The following TAS1R1 variants were observed in gnomAD, a reference collection of about 807,000 sequenced individuals.
TAS1R1 encodes the protein taste receptor type 1 member 1.
Under a neutral mutation model 45.8 loss-of-function variants are expected in TAS1R1, and 31 were observed. That is an observed-to-expected ratio of 0.68 (90% CI 0.51 to 0.91). The LOEUF is 0.91. TAS1R1 is among the 40% of genes least tolerant of loss of function. TAS1R1 has a pLI of 0.00. For missense variants in TAS1R1, 1,051 were observed against 1,063.9 expected (o/e 0.99, Z 0.17); for synonymous variants, 437 against 448.4 (o/e 0.97, Z 0.32).
intron 1 of TAS1R1, among the ~76,000 whole-genome samples, chr1:6,560,986 CAAAAAA>C (rs35928406): frequency 1.1e-5 from 1 of 92,980 alleles, no homozygotes. Flanking sequence ...GACTCTGTCT[CAAAAAA>C]AAAAAAAAAA....
chr1:6,579,035 C>T lies in TAS1R1; in HGVS notation c.1977C>T (p.Ile659=), dbSNP rs768218529. 1.1e-5 allele frequency: 17 copies of T among 1,613,038 alleles called. No individual in the cohort carries two copies. In the South Asian group the frequency reaches 1.9e-4, roughly 18 times the overall value. The part of the protein sequence containing the change: ...LTVRSFQLII[I]FKFSTKVPTF... ...TTCGCTCATTCCAACTAATCATCAT[C>T]TTCAAGTTTTCCACCAAGGTACCTA... Residue 659 remains isoleucine, a synonymous_variant, in exon 6 of 6, where the codon ATC becomes ATT. Coordinates refer to ENST00000333172, the MANE Select transcript of TAS1R1 (RefSeq NM_138697.4).
In TAS1R1 at chr1:6,576,956, A is replaced by G; in HGVS notation, c.1480A>G (p.Lys494Glu). The change falls in exon 5 of 6, where the codon AAG becomes GAG. Residue 494 changes from lysine to glutamate, a missense_variant. Lys to Glu is a moderately conservative substitution (Grantham distance 56). Coordinates refer to ENST00000333172, the MANE Select transcript of TAS1R1 (RefSeq NM_138697.4). ...QWHGKDNQVP[K>E]SVCSSDCLEG... ...CCCCTCTGGCTTCTTACAGGTGCCT[A>G]AGTCTGTGTGTTCCAGCGACTGTCT... 1.2e-6 allele frequency: 2 copies of G among 1,614,214 alleles called. No individual in the cohort carries two copies. The highest frequency in any genetic ancestry group is 8.5e-7 in the Non-Finnish European group (1 of 1,180,030).
Position 6,555,473 on chromosome 1 carries a change from C to G in TAS1R1, c.100C>G (p.Leu34Val), listed in dbSNP as rs867755137. The G allele has an allele frequency of 6.3e-7, 1 of 1,597,330 alleles. No homozygotes were observed. The highest frequency in any genetic ancestry group is 8.5e-7 in the Non-Finnish European group (1 of 1,171,886). The change falls in exon 1 of 6, where the codon CTC (leucine) becomes GTC (valine). Residue 34 changes from leucine to valine, a missense_variant. Coordinates refer to ENST00000333172, the MANE Select transcript of TAS1R1 (RefSeq NM_138697.4). ...CACGGAGTCTTCTCCTGACTTCACCCTCCCCGGAGATTACCTCCTGGCAGG... is the reference window on the plus strand; with the variant it reads ...CACGGAGTCTTCTCCTGACTTCACCGTCCCCGGAGATTACCTCCTGGCAGG... The part of the protein sequence containing the change: ...HSTESSPDFT[L>V]PGDYLLAGLF...
chr1:6,576,868 C>A (rs1210691063), intron 4 of TAS1R1, 82 bp from the exon 5 acceptor site: 12 of 1,601,506 alleles, frequency 7.5e-6, no homozygotes, highest in Non-Finnish European at 1.0e-5. Flanking sequence ...AGGGCAGATG[C>A]ACAGAGATTC....
intron 1 of TAS1R1, among the ~76,000 whole-genome samples, chr1:6,568,484 A>AGTTCCTTCTTGGGAGGCAGTGTCGAT (rs1639924290): frequency 2.0e-5 from 3 of 149,338 alleles, no homozygotes; most frequent in Non-Finnish European, 4.4e-5. Context: ...AAAGAACAAT[A>AGTTCCTTCTTGGGAGGCAGTGTCGAT]GTTCCTTCTT....
intron 1 of TAS1R1, among the ~76,000 whole-genome samples, chr1:6,567,047 G>C (rs886882970): frequency 6.6e-6 from 1 of 152,156 alleles, no homozygotes; most frequent in African/African-American, 2.4e-5. Flanking sequence ...ACTCAGGTTG[G>C]GGGAGGCAAG....
chr1:6,569,429 G>A (rs75071639), intron 1 of TAS1R1, among the ~76,000 whole-genome samples: 1,570 of 152,262 alleles, frequency 0.01, 15 homozygotes, highest in Non-Finnish European at 0.014. Flanking sequence ...CATTGAAATC[G>A]AAAGTGCCAT....
chr1:6,576,310 C>A, intron 3 of TAS1R1, 105 bp from the exon 4 acceptor site: 1 of 1,097,576 alleles, frequency 9.1e-7, no homozygotes, highest in Non-Finnish European at 1.4e-6. Context: ...TCCTGATGGG[C>A]TGAAACCACC....
intron 1 of TAS1R1, among the ~76,000 whole-genome samples, chr1:6,566,681 CA>C (rs892460375): frequency 1.1e-3 from 170 of 152,264 alleles, no homozygotes; most frequent in African/African-American, 3.7e-3. Flanking sequence ...CTGCAAGCTC[CA>C]CCTCCCAGGT....
At position 6,555,562 on chromosome 1, in the gene TAS1R1, C is replaced by T. The variant is rs1349411648; in HGVS notation, c.189C>T (p.Asp63=). The stretch of plus-strand genomic sequence containing the variant: ...ACAGACCCGAGGTGACCCTGTGTGA[C>T]AGGTGAGTGAGGGGCCAGCAGAGCC... ...VRHRPEVTLC[D]RSCSFNEHGY... The change falls in exon 1 of 6, where the codon GAC becomes GAT. Residue 63 remains aspartate (D), a splice_region_variant and synonymous_variant. Coordinates refer to ENST00000333172, the MANE Select transcript of TAS1R1 (RefSeq NM_138697.4). 1 of 1,545,944 alleles carries T rather than the reference C, an allele frequency of 6.5e-7. No individual in the cohort carries two copies.
chr1:6,575,250 A>G lies in TAS1R1; in HGVS notation c.1118A>G (p.His373Arg). The G allele has an allele frequency of 6.2e-7, 1 of 1,613,504 alleles. No homozygotes were observed. The highest frequency in any genetic ancestry group is 1.3e-5 in the African/African-American group (1 of 75,070). ...AGAGAATGCCAAGCTTTCATGGCAC[A>G]CACGATGCCCAAGCTCAAAGCCTTC... is the stretch of plus-strand genomic sequence containing the variant. ...LCRECQAFMA[H>R]TMPKLKAFSM... is the part of the protein sequence containing the mutation. Residue 373 changes from histidine (H) to arginine (R), a missense_variant, in exon 3 of 6, where the codon CAC becomes CGC. By Grantham distance (29) the His-to-Arg change is conservative. Coordinates refer to ENST00000333172, the MANE Select transcript of TAS1R1 (RefSeq NM_138697.4).
At chr1:6,575,794 T>G (rs540240459) in intron 3 of TAS1R1, among the ~76,000 whole-genome samples, 52 of 150,352 alleles carry the variant, frequency 3.5e-4, no homozygotes, top group Non-Finnish European at 6.2e-4. Flanking sequence ...CCAGGTTCAC[T>G]CCATTCCCCT....
At position 6,574,890 on chromosome 1, in the gene TAS1R1, A is replaced by G. The variant is rs1346531282; in HGVS notation, c.758A>G (p.Asp253Gly). ...ATGCCCTTCTCTGCCCAGGTGGGCG[A>G]TGAGAGGATGCAGTGCCTCATGCGC... is the stretch of plus-strand genomic sequence containing the variant. The part of the protein sequence containing the change: ...DIMPFSAQVG[D>G]ERMQCLMRHL... Residue 253 changes from aspartate (D) to glycine (G), a missense_variant, in exon 3 of 6, where the codon GAT becomes GGT. By Grantham distance (94) the Asp-to-Gly change is moderately conservative (BLOSUM62 -1). Transcript: ENST00000333172. The surrounding 1 kb of genome is among the most constrained non-coding windows in gnomAD (Gnocchi z 4.3). 1.2e-6 allele frequency: 2 copies of G among 1,614,080 alleles called. No individual in the cohort carries two copies. The highest frequency in any genetic ancestry group is 8.5e-7 in the Non-Finnish European group (1 of 1,180,050).
chr1:6,562,450 G>A (rs1329059321), intron 1 of TAS1R1, among the ~76,000 whole-genome samples: 1 of 152,214 alleles, frequency 6.6e-6, no homozygotes, highest in Non-Finnish European at 1.5e-5. Context: ...TTACAGGCAT[G>A]AGCCACCGCG....
At chr1:6,557,220 A>AT (rs781134622) in intron 1 of TAS1R1, among the ~76,000 whole-genome samples, 4 of 151,774 alleles carry the variant, frequency 2.6e-5, no homozygotes, top group Non-Finnish European at 5.9e-5. Flanking sequence ...AAAGAGATAA[A>AT]GAGAATGGGC....
rs751164962 is a variant in TAS1R1 at position 6,574,939 on chromosome 1, C to T, written c.807C>T (p.Thr269=). 6.8e-6 allele frequency: 11 copies of T among 1,611,394 alleles called. No individual in the cohort carries two copies. Among genetic ancestry groups the T allele is most frequent in the African/African-American group, 1.3e-5 (1 of 74,912 alleles). The change falls in exon 3 of 6, where the codon ACC becomes ACT. Residue 269 remains threonine, a synonymous_variant. Transcript: ENST00000333172. This position sits in a 1 kb window ranked among gnomAD's most constrained non-coding sequence, Gnocchi z 4.3. Reference sequence around the variant, plus strand: ...GCCACCTGGCCCAGGCCGGGGCCACCGTCGTGGTTGTTTTTTCCAGCCGGC... The same window carrying T: ...GCCACCTGGCCCAGGCCGGGGCCACTGTCGTGGTTGTTTTTTCCAGCCGGC... ...LMRHLAQAGA[T]VVVVFSSRQL... is the part of the protein sequence containing the mutation.
chr1:6,576,047 C>T (rs1020729844), intron 3 of TAS1R1, among the ~76,000 whole-genome samples: 2 of 151,898 alleles, frequency 1.3e-5, no homozygotes, highest in Non-Finnish European at 2.9e-5. Context: ...CCAGGCTGGT[C>T]TCGAACTCCT....
rs1349457816 is a variant in TAS1R1 at position 6,579,511 on chromosome 1, G to A, written c.2453G>A (p.Arg818His). The change falls in exon 6 of 6, where the codon CGC (arginine) becomes CAC (histidine). Residue 818 changes from arginine to histidine, a missense_variant. Coordinates refer to ENST00000333172, the MANE Select transcript of TAS1R1 (RefSeq NM_138697.4). ...FLPKCYVILC[R>H]PDLNSTEHFQ... The stretch of plus-strand genomic sequence containing the variant: ...CCTAAGTGCTACGTGATCCTCTGCC[G>A]CCCAGACCTCAACAGCACAGAGCAC... The A allele has an allele frequency of 6.2e-7, 1 of 1,613,678 alleles. No individual in the cohort carries two copies. Among genetic ancestry groups the A allele is most frequent in the Non-Finnish European group, 8.5e-7 (1 of 1,180,034 alleles).
intron 1 of TAS1R1, 83 bp downstream of exon 1, chr1:6,555,647 T>C: frequency 7.5e-7 from 1 of 1,329,654 alleles, no homozygotes; most frequent in Admixed American, 2.2e-5. Flanking sequence ...AAACAGGACC[T>C]TGCCTCTGCC....
Sources: allele counts gnomAD v4.1 joint callset (sites outside exome capture counted in the v4.1 genomes callset), GRCh38; gene constraint gnomAD v4.1.1; non-coding constraint Gnocchi (gnomAD v3.1); transcripts MANE v1.5; gene names NCBI Gene and HGNC (gene_info 2026-07-23, HGNC 2026-07-21).